Variants in TCIRG1 observed in about 807,000 individuals in gnomAD.
TCIRG1 encodes V-type proton ATPase 116 kDa subunit a 3.
Under a neutral mutation model 95.5 loss-of-function variants are expected in TCIRG1, and 86 were observed. The ratio of observed to expected loss-of-function variants is 0.90; its 90% CI spans 0.76 to 1.08. The LOEUF is 1.08. Among genes scored for constraint, TCIRG1 ranks in the 50% least tolerant of loss-of-function variants. The pLI is 0.00. For synonymous variants in TCIRG1, 499 were observed against 501.3 expected (o/e 1.00, Z 0.06); for missense variants, 1,069 against 1,140.2 (o/e 0.94, Z 0.90).
intron 15 of TCIRG1, 54 bp from the exon 16 acceptor site, chr11:68,049,609 C>T: frequency 6.3e-7 from 1 of 1,583,008 alleles, no homozygotes. Context: ...GACTCAGGTT[C>T]CTTTGCAGGT....
Position 68,048,947 on chromosome 11 carries a change from G to C in TCIRG1, c.1623G>C (p.Leu541=), listed in dbSNP as rs534950651. 2.5e-6 allele frequency: 4 copies of C among 1,613,724 alleles called. No homozygotes were observed. The Admixed American group carries it at 6.7e-5, about 27-fold the overall frequency. Reference sequence around the variant, plus strand: ...TCAAGATGAAGATGTCCGTCATCCTGGGCGTCGTGCACATGGCCTTTGGGG... The same window carrying C: ...TCAAGATGAAGATGTCCGTCATCCTCGGCGTCGTGCACATGGCCTTTGGGG... The part of the protein sequence containing the change: ...NSFKMKMSVI[L]GVVHMAFGVV... The change falls in exon 14 of 20, where the codon CTG becomes CTC. Residue 541 remains leucine, a synonymous_variant. Coordinates refer to ENST00000265686, the MANE Select transcript of TCIRG1 (RefSeq NM_006019.4).
intron 8 of TCIRG1, 32 bp from the exon 9 acceptor site, chr11:68,044,100 C>T: frequency 6.5e-7 from 1 of 1,537,518 alleles, no homozygotes; most frequent in Non-Finnish European, 8.8e-7. Flanking sequence ...ACCTGCCTGC[C>T]CAGCCCCCGC....
chr11:68,049,468 C>A, intron 15 of TCIRG1, 174 bp downstream of exon 15: 1 of 990,646 alleles, frequency 1.0e-6, no homozygotes, highest in Non-Finnish European at 1.5e-6. Context: ...GCACAACTGG[C>A]ACTGGGAACC....
downstream of TCIRG1, chr11:68,053,617 A>C: frequency 4.8e-6 from 1 of 207,428 alleles, no homozygotes; most frequent in Non-Finnish European, 9.8e-6. Flanking sequence ...ATTCATGAAA[A>C]TTTAAATCAA....
At chr11:68,052,641 G>T (rs912255702), downstream of TCIRG1, among the ~76,000 whole-genome samples, 1 of 152,190 alleles carries the variant, frequency 6.6e-6, no homozygotes, top group Non-Finnish European at 1.5e-5. Context: ...TCGCTTCTGG[G>T]CTAGAAGCAG....
At chr11:68,047,341 C>T in intron 10 of TCIRG1, 92 bp from the exon 11 acceptor site, 1 of 1,280,794 alleles carries the variant, frequency 7.8e-7, no homozygotes, top group African/African-American at 1.6e-5. Context: ...GGGTTCTTGA[C>T]TGCAGGCCAG....
chr11:68,047,783 TG>T lies in TCIRG1; in HGVS notation c.1444del (p.Ala482ProfsTer46). The T allele has an allele frequency of 6.2e-7, 1 of 1,613,080 alleles. No homozygotes were observed. Among genetic ancestry groups the T allele is most frequent in the East Asian group, 2.2e-5 (1 of 44,852 alleles). On this transcript the variant is annotated frameshift_variant, in exon 12 of 20. Coordinates refer to ENST00000265686, the MANE Select transcript of TCIRG1 (RefSeq NM_006019.4). LOFTEE classifies it high-confidence loss of function. ...IFPSGWSVAA[M>X]ANQSGWSDAF... ...CCCTCGGGCTGGAGTGTGGCCGCCA[TG>T]GCCAACCAGTCTGGCTGGAGGTGAG...
Position 68,049,138 on chromosome 11 carries a change from G to A in TCIRG1, c.1731G>A (p.Leu577=), listed in dbSNP as rs1172810046. 4 of 1,613,878 alleles carry A rather than the reference G, an allele frequency of 2.5e-6. No homozygotes were observed. In the South Asian group the frequency reaches 4.4e-5, roughly 18 times the overall value. ...AGACGCTGCCGGAGCTCACCTTCCT[G>A]CTGGGACTCTTCGGTTACCTCGTGT... ...LLETLPELTF[L]LGLFGYLVFL... Residue 577 remains leucine (L), a synonymous_variant, in exon 15 of 20, where the codon CTG becomes CTA. Transcript: ENST00000265686.
chr11:68,045,050 C>T lies in TCIRG1; in HGVS notation c.1113C>T (p.Phe371=). 6.2e-7 allele frequency: 1 copy of T among 1,606,020 alleles called. No homozygotes were observed. ...LIRTNRFTAS[F]QGIVDAYGVG... is the part of the protein sequence containing the mutation. ...GCACCAACCGCTTCACGGCCAGCTT[C>T]CAGGGCATCGTGGATGCCTACGGCG... is the stretch of plus-strand genomic sequence containing the variant. Residue 371 remains phenylalanine, a synonymous_variant, in exon 10 of 20, where the codon TTC becomes TTT. Transcript: ENST00000265686.
At chr11:68,045,224 A>C in intron 10 of TCIRG1, 122 bp downstream of exon 10, 3 of 1,223,486 alleles carry the variant, frequency 2.5e-6, no homozygotes, top group Non-Finnish European at 3.5e-6. Context: ...GATGAGGGGC[A>C]CACATCCCAT....
At position 68,044,824 on chromosome 11, in the gene TCIRG1, C is replaced by G. The variant is rs774929430; in HGVS notation, c.1021-134C>G. 20 of 1,125,424 alleles carry G rather than the reference C, an allele frequency of 1.8e-5. No individual in the cohort carries two copies. The Admixed American group carries it at 3.9e-4, about 22-fold the overall frequency. 69.7% of individuals were successfully genotyped at this position (1,125,424 alleles called of 1,614,324 possible). ...GGGCAGAGCAGGGCTGATCATCTCACGTCAGAGAGAGGGGAAGGGGCTGCC... is the reference window on the plus strand; with the variant it reads ...GGGCAGAGCAGGGCTGATCATCTCAGGTCAGAGAGAGGGGAAGGGGCTGCC... On this transcript the variant is annotated intron_variant, in intron 9 of 19. Coordinates refer to ENST00000265686, the MANE Select transcript of TCIRG1 (RefSeq NM_006019.4).
intron 13 of TCIRG1, 156 bp downstream of exon 13, chr11:68,048,128 GCGGAGCCTGCATCACAGTC>G: frequency 1.4e-6 from 1 of 736,860 alleles, no homozygotes; most frequent in South Asian, 1.5e-5. Context: ...CTCCTGCCCT[GCGGAGCCTGCATCACAGTC>G]CCCTGAGTGT....
chr11:68,047,334 T>A (rs1855552032), intron 10 of TCIRG1, 99 bp from the exon 11 acceptor site: 2 of 1,233,494 alleles, frequency 1.6e-6, no homozygotes, highest in Admixed American at 4.5e-5. Context: ...AAGTGATGGG[T>A]TCTTGACTGC....
At position 68,050,827 on chromosome 11, in the gene TCIRG1, T is replaced by A. The variant is rs1454782321; in HGVS notation, c.*8T>A. On this transcript the variant is annotated 3_prime_UTR_variant, in exon 20 of 20. Transcript: ENST00000265686. ...GCTGCCACAGATGACTAGGGCCCAC[T>A]GCAGGTCCTGCCAGACCTCCTTCCT... The A allele has an allele frequency of 5.6e-6, 9 of 1,612,436 alleles. No individual in the cohort carries two copies. In the Admixed American group the frequency reaches 1.3e-4, roughly 24 times the overall value.
At chr11:68,053,657 G>A (rs1027853545), downstream of TCIRG1, 5 of 285,000 alleles carry the variant, frequency 1.8e-5, no homozygotes, top group Non-Finnish European at 3.3e-5. Flanking sequence ...AAGTAACACT[G>A]CTTACTCTTG....
At chr11:68,048,808 C>A in intron 13 of TCIRG1, 71 bp from the exon 14 acceptor site, 1 of 1,122,514 alleles carries the variant, frequency 8.9e-7, no homozygotes, top group Non-Finnish European at 1.3e-6. Flanking sequence ...GAGAGTGACT[C>A]GGGCCGGGGA....
downstream of TCIRG1, chr11:68,053,653 C>T: frequency 3.7e-6 from 1 of 271,064 alleles, no homozygotes; most frequent in Non-Finnish European, 7.1e-6. Context: ...CTGCAAGTAA[C>T]ACTGCTTACT....
At chr11:68,053,387 T>G (rs1855873099), downstream of TCIRG1, 1 of 152,850 alleles carries the variant, frequency 6.5e-6, no homozygotes, top group South Asian at 2.1e-4. Context: ...CTCCACACGC[T>G]GGCGGCCTTG....
At chr11:68,050,687 G>A (rs772697906) in intron 19 of TCIRG1, 23 bp downstream of exon 19, 18 of 1,613,534 alleles carry the variant, frequency 1.1e-5, no homozygotes, top group Non-Finnish European at 1.5e-5. Flanking sequence ...CCACTGGCCT[G>A]GGCTGCTCAA....
Sources: allele counts gnomAD v4.1 joint callset (sites outside exome capture counted in the v4.1 genomes callset), GRCh38; gene constraint gnomAD v4.1.1; transcripts MANE v1.5; gene names NCBI Gene and HGNC (gene_info 2026-07-23, HGNC 2026-07-21).